The following GK variants were observed in gnomAD, a reference collection of about 807,000 sequenced individuals.
GK encodes the protein ATP:glycerol 3-phosphotransferase.
Under a neutral mutation model 56.4 loss-of-function variants are expected in GK, and 9 were observed. The ratio of observed to expected loss-of-function variants is 0.16; its 90% CI spans 0.10 to 0.28. GK has a LOEUF of 0.28. GK is among the 10% of genes least tolerant of loss of function. The pLI, the probability that GK is intolerant of heterozygous loss-of-function variation, is 1.00. For missense variants in GK, 161 were observed against 431.4 expected (o/e 0.37, Z 5.55); for synonymous variants, 104 against 144.1 (o/e 0.72, Z 1.99).
In GK at chrX:30,712,130, G is replaced by A. The variant is rs190700629; in HGVS notation, c.975+3996G>A. ...ATTATGTTTGTGAGATTCATCCACA[G>A]TATTATACATAGCTGTTTTTTTCAT... On this transcript the variant is annotated intron_variant, in intron 13 of 20. Coordinates refer to ENST00000427190, the MANE Select transcript of GK (RefSeq NM_001205019.2). Among the ~76,000 whole-genome samples, 43 of 112,190 alleles carry A rather than the reference G, an allele frequency of 3.8e-4. No individual in the cohort carries two copies. The East Asian group carries it at 7.7e-3, about 20-fold the overall frequency.
chrX:30,663,430 A>G (rs1932848172), intron 1 of GK, among the ~76,000 whole-genome samples: 1 of 111,768 alleles, frequency 8.9e-6, no homozygotes, highest in Non-Finnish European at 1.9e-5. Flanking sequence ...GGGATACTTC[A>G]GTGAATAAAA....
At chrX:30,709,394 T>A (rs1936204322) in intron 13 of GK, among the ~76,000 whole-genome samples, 1 of 111,651 alleles carries the variant, frequency 9.0e-6, no homozygotes, top group Non-Finnish European at 1.9e-5. Context: ...CACCCAAAGT[T>A]GCTTCTTAAT....
In GK at chrX:30,720,706, T is replaced by A; in HGVS notation, c.1322T>A (p.Met441Lys). The part of the protein sequence containing the change: ...DGGMTSNKIL[M>K]QLQADILYIP... ...GGAATGACCAGCAACAAAATTCTTA[T>A]GCAGCTACAAGCAGACATTCTGTAT... Residue 441 changes from methionine to lysine, a missense_variant, in exon 17 of 21, where the codon ATG becomes AAG. Transcript: ENST00000427190. The A allele has an allele frequency of 8.3e-7, 1 of 1,209,197 alleles. No homozygotes were observed. Among genetic ancestry groups the A allele is most frequent in the Middle Eastern group, 2.3e-4 (1 of 4,330 alleles).
chrX:30,669,695 C>T (rs1933350081), intron 3 of GK, among the ~76,000 whole-genome samples: 1 of 111,080 alleles, frequency 9.0e-6, no homozygotes, highest in Non-Finnish European at 1.9e-5. Context: ...ATAGAGAGAA[C>T]ATCAATTGGT....
At chrX:30,726,486 C>T (rs904816071) in intron 19 of GK, among the ~76,000 whole-genome samples, 3 of 110,725 alleles carry the variant, frequency 2.7e-5, no homozygotes, top group Admixed American at 9.6e-5. Context: ...GGGGTTTCTC[C>T]GTGTTGGTCA....
At chrX:30,662,863 TTCTTTC>T (rs140790110) in intron 1 of GK, among the ~76,000 whole-genome samples, 2,425 of 53,896 alleles carry the variant, frequency 0.045, 74 homozygotes, top group Middle Eastern at 0.093. Context: ...CTTTCTTTCT[TTCTTTC>T]TCTTTCTTTC....
rs147255426 is a variant in GK, at chrX:30,675,880, C to G, written c.260-1495C>G. On this transcript the variant is annotated intron_variant, in intron 3 of 20. Transcript: ENST00000427190. ...TCTCGGCTCACTGCAACCTCCGCCTCCTGGGTTCAAGGGATTCTCCTGCCT... is the reference window on the plus strand; with the variant it reads ...TCTCGGCTCACTGCAACCTCCGCCTGCTGGGTTCAAGGGATTCTCCTGCCT... Among the ~76,000 whole-genome samples, 854 of 110,809 alleles carry G rather than the reference C, an allele frequency of 7.7e-3. 23 individuals are homozygous for G. Among genetic ancestry groups the G allele is most frequent in the Admixed American group, 0.062 (642 of 10,363 alleles).
chrX:30,728,900 A>G lies in GK; in HGVS notation c.*158A>G, dbSNP rs1937249937. ...TCCAAGTAGACCTGTGGCTTAAAAT[A>G]AAGAAAATGCAGCAAAAAGAATGCT... On this transcript the variant is annotated 3_prime_UTR_variant, in exon 21 of 21. Coordinates refer to ENST00000427190, the MANE Select transcript of GK (RefSeq NM_001205019.2). The G allele has an allele frequency of 4.1e-6, 2 of 485,226 alleles. No individual in the cohort carries two copies. The highest frequency in any genetic ancestry group is 3.4e-5 in the East Asian group (1 of 29,589). 40.0% of individuals were successfully genotyped at this position (485,226 alleles called of 1,213,427 possible). A position where few individuals can be genotyped will look rare whatever the true frequency, so the allele number is the denominator to read the frequency against.
Position 30,728,973 on chromosome X carries a change from G to T in GK, c.*231G>T. The T allele has an allele frequency of 2.6e-6, 1 of 392,128 alleles. No individual in the cohort carries two copies. Among genetic ancestry groups the T allele is most frequent in the South Asian group, 4.2e-5 (1 of 24,095 alleles). The allele number at this position is 392,128 out of a possible 1,213,427, so 32.3% of individuals were successfully genotyped here. On this transcript the variant is annotated 3_prime_UTR_variant, in exon 21 of 21. Transcript: ENST00000427190. ...TTTTTTTTTAAACATCCACAGTTAA[G>T]GTTGGGCCAGCTACCTTTGGGGCTG...
At chrX:30,673,616 C>T (rs1933687718) in intron 3 of GK, among the ~76,000 whole-genome samples, 2 of 111,510 alleles carry the variant, frequency 1.8e-5, no homozygotes, top group South Asian at 7.5e-4. Context: ...TTTCACTGGA[C>T]TTTGCCTGCA....
chrX:30,703,191 G>A (rs993856030), intron 11 of GK, among the ~76,000 whole-genome samples: 1 of 112,375 alleles, frequency 8.9e-6, no homozygotes, highest in Non-Finnish European at 1.9e-5. Context: ...TTTGTTTAGA[G>A]AATGTAGAGA....
chrX:30,720,181 C>A, intron 16 of GK, 86 bp downstream of exon 16: 1 of 594,507 alleles, frequency 1.7e-6, no homozygotes. Flanking sequence ...TTATTCAGTA[C>A]TGAAAATGTA....
chrX:30,696,872 T>C (rs1319776235), intron 8 of GK, 189 bp downstream of exon 8: 1 of 440,896 alleles, frequency 2.3e-6, no homozygotes, highest in Non-Finnish European at 4.0e-6. Context: ...TTATAAACTT[T>C]AATTGGTTTT....
intron 6 of GK, among the ~76,000 whole-genome samples, chrX:30,695,314 T>C: frequency 8.9e-6 from 1 of 112,364 alleles, no homozygotes; most frequent in Middle Eastern, 4.6e-3. Context: ...CCAGCCATTT[T>C]CACGTGTGTC....
At chrX:30,684,949 C>T (rs1934509422) in intron 4 of GK, among the ~76,000 whole-genome samples, 1 of 110,716 alleles carries the variant, frequency 9.0e-6, no homozygotes, top group Admixed American at 9.6e-5. Context: ...CTGGTTAATA[C>T]TGGGCCAATT....
chrX:30,693,726 T>C (rs1935102118), intron 5 of GK, among the ~76,000 whole-genome samples: 1 of 110,202 alleles, frequency 9.1e-6, no homozygotes, highest in Non-Finnish European at 1.9e-5. Flanking sequence ...TTTTTATATT[T>C]TTAGTAGAGA....
chrX:30,724,432 C>A (rs775185367), intron 19 of GK, among the ~76,000 whole-genome samples: 91 of 109,817 alleles, frequency 8.3e-4, no homozygotes, highest in African/African-American at 2.8e-3. Context: ...CAATTGACAA[C>A]TTAGTCTTCC....
chrX:30,657,414 A>G (rs1932379912), intron 1 of GK, among the ~76,000 whole-genome samples: 1 of 112,400 alleles, frequency 8.9e-6, no homozygotes, highest in Admixed American at 9.5e-5. Context: ...TCTTGGAAAG[A>G]GAATTAGTGT....
chrX:30,707,496 A>G, intron 11 of GK, 60 bp from the exon 12 acceptor site: 1 of 669,818 alleles, frequency 1.5e-6, no homozygotes, highest in Non-Finnish European at 2.4e-6. Context: ...TGTGTTATTA[A>G]TGTTTCATTA....
Sources: allele counts gnomAD v4.1 joint callset (sites outside exome capture counted in the v4.1 genomes callset), GRCh38; gene constraint gnomAD v4.1.1; transcripts MANE v1.5; gene names NCBI Gene and HGNC (gene_info 2026-07-23, HGNC 2026-07-21).